MDGA2: variants seen among roughly 807,000 people sequenced by gnomAD.
MDGA2 encodes the protein MAM domain containing glycosylphosphatidylinositol anchor 2.
In MDGA2, 40 loss-of-function variants were observed where a neutral mutation model predicts 117.8. The ratio of observed to expected loss-of-function variants is 0.34; its 90% confidence interval spans 0.26 to 0.44. The LOEUF (loss-of-function observed/expected upper bound fraction) is 0.44. Among genes scored for constraint, MDGA2 ranks in the 20% least tolerant of loss-of-function variants. MDGA2 has a pLI of 1.00. For missense variants in MDGA2, 1,123 were observed against 1,250.6 expected (o/e 0.90, Z 1.54); for synonymous variants, 452 against 439.0 (o/e 1.03, Z -0.37).
chr14:47,357,231 T>C (rs1236280599), intron 1 of MDGA2, among the ~76,000 whole-genome samples: 4 of 152,188 alleles, frequency 2.6e-5, no homozygotes, highest in African/African-American at 9.6e-5. Context: ...CCAACCACTA[T>C]AATAGACCCA....
At chr14:47,203,913 C>T (rs778759161) in intron 3 of MDGA2, among the ~76,000 whole-genome samples, 2 of 151,872 alleles carry the variant, frequency 1.3e-5, no homozygotes, top group Non-Finnish European at 2.9e-5. Flanking sequence ...TGCAACAGAG[C>T]AGATAAATGT....
chr14:47,086,893 T>C (rs1890921870), intron 6 of MDGA2, among the ~76,000 whole-genome samples: 1 of 152,196 alleles, frequency 6.6e-6, no homozygotes, highest in Non-Finnish European at 1.5e-5. Flanking sequence ...TTTATTCTTT[T>C]GCATGCCATA....
intron 8 of MDGA2, among the ~76,000 whole-genome samples, chr14:47,012,384 A>C (rs1887925178): frequency 6.6e-6 from 1 of 152,154 alleles, no homozygotes; most frequent in Non-Finnish European, 1.5e-5. Context: ...TTTTTTATTA[A>C]TAGTTCATTT....
chr14:47,668,370 T>C (rs866308302), intron 1 of MDGA2, among the ~76,000 whole-genome samples: 12 of 152,232 alleles, frequency 7.9e-5, no homozygotes, highest in Admixed American at 3.9e-4. Flanking sequence ...CAAATTCATC[T>C]AATGAATACA....
At chr14:47,413,302 T>G (rs1434102386) in intron 1 of MDGA2, among the ~76,000 whole-genome samples, 28 of 152,188 alleles carry the variant, frequency 1.8e-4, no homozygotes, top group Non-Finnish European at 4.4e-5. Context: ...GTTAAGAGCA[T>G]GTCCTTTAAT....
At chr14:47,285,191 C>T (rs1228904402) in intron 2 of MDGA2, among the ~76,000 whole-genome samples, 1 of 152,096 alleles carries the variant, frequency 6.6e-6, no homozygotes, top group Non-Finnish European at 1.5e-5. Context: ...ATTAAATTTA[C>T]CCTTGGGCTT....
intron 3 of MDGA2, among the ~76,000 whole-genome samples, chr14:47,150,980 C>T (rs576352106): frequency 6.6e-6 from 1 of 151,804 alleles, no homozygotes; most frequent in East Asian, 1.9e-4. Context: ...GCAATGGGGC[C>T]CTCACTGCAG....
chr14:47,223,382 T>C (rs1394879520), intron 2 of MDGA2, among the ~76,000 whole-genome samples: 2 of 152,214 alleles, frequency 1.3e-5, no homozygotes, highest in Non-Finnish European at 2.9e-5. Context: ...AATTCAGTAC[T>C]CATCAGCATT....
intron 1 of MDGA2, among the ~76,000 whole-genome samples, chr14:47,452,239 A>G (rs557562539): frequency 1.8e-4 from 28 of 152,222 alleles, no homozygotes; most frequent in African/African-American, 6.7e-4. Flanking sequence ...AAACATGTTC[A>G]TAAGATTCCC....
chr14:47,616,537 C>T lies in MDGA2; in HGVS notation c.280+57980G>A, dbSNP rs902147914. ...TTGCTTGAGGCCTGTCTTGAGTTTC[C>T]AAACGCTCTTCTATATGCTTCTCCT... On this transcript the variant is annotated intron_variant, in intron 1 of 16. Transcript: ENST00000399232. Among the ~76,000 whole-genome samples, 6 of 152,032 alleles carry T rather than the reference C, an allele frequency of 3.9e-5. No homozygotes were observed. In the East Asian group the frequency reaches 1.2e-3, roughly 29 times the overall value.
At chr14:47,104,299 G>A (rs1880512632) in intron 5 of MDGA2, among the ~76,000 whole-genome samples, 1 of 151,272 alleles carries the variant, frequency 6.6e-6, no homozygotes, top group Non-Finnish European at 1.5e-5. Flanking sequence ...AAGTGAATAT[G>A]CCTTGCCCCA....
chr14:47,374,708 G>A (rs575670465), intron 1 of MDGA2, among the ~76,000 whole-genome samples: 3 of 152,104 alleles, frequency 2.0e-5, no homozygotes, highest in African/African-American at 7.2e-5. Context: ...ATTTGCTTCT[G>A]TGGTTTTCTG....
At chr14:47,662,624 A>G (rs1329282269) in intron 1 of MDGA2, among the ~76,000 whole-genome samples, 1 of 152,198 alleles carries the variant, frequency 6.6e-6, no homozygotes, top group East Asian at 1.9e-4. Context: ...AGCAAGAAGA[A>G]GGCCACTTTC....
chr14:47,509,268 C>T (rs189683761), intron 1 of MDGA2, among the ~76,000 whole-genome samples: 234 of 152,200 alleles, frequency 1.5e-3, no homozygotes, highest in African/African-American at 5.5e-3. Context: ...TAGTATTGTG[C>T]GTGAGTATAT....
intron 1 of MDGA2, among the ~76,000 whole-genome samples, chr14:47,584,844 C>T (rs1896295155): frequency 6.6e-6 from 1 of 151,786 alleles, no homozygotes; most frequent in Admixed American, 6.6e-5. Context: ...GTTTCCATAA[C>T]ACTCATTTTG....
chr14:47,155,471 G>A (rs751636577), intron 3 of MDGA2, among the ~76,000 whole-genome samples: 19 of 152,184 alleles, frequency 1.2e-4, no homozygotes, highest in Middle Eastern at 3.4e-3. Flanking sequence ...AGTTCCTCGC[G>A]TCTCCAAGAT....
At chr14:47,047,369 T>C (rs1341910602) in intron 7 of MDGA2, among the ~76,000 whole-genome samples, 1 of 152,122 alleles carries the variant, frequency 6.6e-6, no homozygotes, top group Non-Finnish European at 1.5e-5. Flanking sequence ...AAAATAAGAA[T>C]TTAATGAGTA....
At chr14:46,958,219 TGG>T (rs924472685) in intron 8 of MDGA2, among the ~76,000 whole-genome samples, 1 of 152,010 alleles carries the variant, frequency 6.6e-6, no homozygotes, top group African/African-American at 2.4e-5. Flanking sequence ...GTATAGGAGA[TGG>T]TCAGGTGAGT....
intron 14 of MDGA2, among the ~76,000 whole-genome samples, chr14:46,868,111 C>A (rs1443227012): frequency 1.3e-5 from 2 of 151,754 alleles, no homozygotes; most frequent in Non-Finnish European, 1.5e-5. Context: ...GTAAATAAAT[C>A]ATGGTTACTG....
Sources: allele counts gnomAD v4.1 joint callset (sites outside exome capture counted in the v4.1 genomes callset), GRCh38; gene constraint gnomAD v4.1.1; transcripts MANE v1.5; gene names NCBI Gene and HGNC (gene_info 2026-07-23, HGNC 2026-07-21).